Variants in CD96 observed in about 807,000 individuals in gnomAD.
The protein encoded by CD96 is CD96 molecule.
In CD96, 70 loss-of-function variants were observed where a neutral mutation model predicts 71.3. The observed-to-expected ratio is 0.98, with a 90% CI of 0.81 to 1.20. The LOEUF is 1.20. Ranked by LOEUF, CD96 falls within the 50% of genes most tolerant of loss-of-function variation. The probability of loss-of-function intolerance (pLI) is 0.00; values close to 1 mark genes in which losing one functional copy is unlikely to be tolerated. For missense variants in CD96, 742 were observed against 677.5 expected, an observed-to-expected ratio of 1.10 and a Z score of -1.06; for synonymous variants, 248 against 233.0, an observed-to-expected ratio of 1.06 and a Z score of -0.59.
intron 2 of CD96, among the ~76,000 whole-genome samples, chr3:111,561,980 G>A (rs546448123): frequency 3.8e-4 from 57 of 151,104 alleles, no homozygotes; most frequent in African/African-American, 1.3e-3. Context: ...TTCCAGGTGC[G>A]TCCGTCACCC....
intron 14 of CD96, among the ~76,000 whole-genome samples, chr3:111,660,010 C>T (rs925825493): frequency 1.3e-5 from 2 of 152,156 alleles, no homozygotes; most frequent in African/African-American, 4.8e-5. Context: ...ATACATAGTG[C>T]TGGAAGTCCT....
At chr3:111,637,134 CA>C in intron 10 of CD96, 61 bp from the exon 11 acceptor site, 2 of 841,114 alleles carry the variant, frequency 2.4e-6, no homozygotes, top group Non-Finnish European at 4.2e-6. Context: ...ATTAAATTAG[CA>C]GTCAAGAAGT....
intron 8 of CD96, among the ~76,000 whole-genome samples, chr3:111,614,796 C>T (rs1245904904): frequency 6.6e-6 from 1 of 152,214 alleles, no homozygotes; most frequent in Non-Finnish European, 1.5e-5. Context: ...AGGCACCATG[C>T]CCCTTTGTCC....
intron 2 of CD96, among the ~76,000 whole-genome samples, chr3:111,559,171 T>C (rs1198792202): frequency 6.7e-6 from 1 of 150,054 alleles, no homozygotes; most frequent in East Asian, 2.0e-4. Flanking sequence ...CCTGGATTCA[T>C]TGATTTTTTG....
intron 3 of CD96, among the ~76,000 whole-genome samples, chr3:111,570,053 T>TG (rs1935905464): frequency 2.5e-5 from 1 of 39,734 alleles, no homozygotes; most frequent in Admixed American, 2.8e-4. Flanking sequence ...GGAATTGGGG[T>TG]GGGGGTGGGG....
intron 13 of CD96, among the ~76,000 whole-genome samples, chr3:111,649,045 G>T (rs980053876): frequency 1.3e-5 from 2 of 152,186 alleles, no homozygotes; most frequent in Non-Finnish European, 2.9e-5. Flanking sequence ...ATTGAGAAGA[G>T]CTTTACTTCC....
intron 12 of CD96, among the ~76,000 whole-genome samples, chr3:111,641,501 A>G (rs1446472283): frequency 2.0e-5 from 3 of 152,188 alleles, no homozygotes; most frequent in African/African-American, 7.2e-5. Flanking sequence ...TTATAAAACA[A>G]TTACTAATAG....
chr3:111,652,100 T>C lies in CD96; in HGVS notation c.*2294T>C, dbSNP rs1399300144. 1.3e-5 allele frequency: 2 copies of C among 152,136 alleles called. No individual in the cohort carries two copies. Among genetic ancestry groups the C allele is most frequent in the Non-Finnish European group, 2.9e-5 (2 of 68,026 alleles). The allele number at this position is 152,136 out of a possible 1,614,324, so 9.4% of individuals were successfully genotyped here. On this transcript the variant is annotated 3_prime_UTR_variant, in exon 14 of 14. Transcript: ENST00000352690. ...GCCAGAACTACCCAGCTAAGCCTTT[T>C]ACTAAATTTCTGAACTTCTAACACT...
chr3:111,584,803 G>A lies in CD96; in HGVS notation c.752-520G>A, dbSNP rs756427301. 3.5e-4 allele frequency among the ~76,000 whole-genome samples: 54 copies of A among 152,186 alleles called. 2 individuals are homozygous for A. Among genetic ancestry groups the A allele is most frequent in the Non-Finnish European group, 1.0e-4 (7 of 68,038 alleles). On this transcript the variant is annotated intron_variant, in intron 4 of 13. Transcript: ENST00000352690. Reference sequence around the variant, plus strand: ...ATACAATTCAAGTTGAGATTTGAGTGAGGACAGAGCCAAACCATATCATAA... The same window carrying A: ...ATACAATTCAAGTTGAGATTTGAGTAAGGACAGAGCCAAACCATATCATAA...
chr3:111,561,520 C>CA (rs1935403025), intron 2 of CD96, among the ~76,000 whole-genome samples: 2 of 147,998 alleles, frequency 1.4e-5, no homozygotes, highest in Non-Finnish European at 3.0e-5. Flanking sequence ...TTAGGCTGCT[C>CA]GGGGGTCAGG....
At chr3:111,627,260 G>A (rs1938817097) in intron 10 of CD96, among the ~76,000 whole-genome samples, 5 of 151,874 alleles carry the variant, frequency 3.3e-5, no homozygotes, top group Admixed American at 3.3e-4. Context: ...CTTGTGGGAG[G>A]GGTGGGCCAT....
chr3:111,637,144 G>C lies in CD96; in HGVS notation c.1322-52G>C, dbSNP rs528349992. The C allele has an allele frequency of 2.4e-5, 22 of 901,402 alleles. 1 individual carries two copies. The East Asian group carries it at 5.0e-4, about 21-fold the overall frequency. 55.8% of individuals were successfully genotyped at this position (901,402 alleles called of 1,614,324 possible). On this transcript the variant is annotated intron_variant, in intron 10 of 13. Transcript: ENST00000352690. ...ATTAGATTAAATTAGCAGTCAAGAA[G>C]TGGTAATATAGTCTCATATAGGTTA...
intron 10 of CD96, among the ~76,000 whole-genome samples, chr3:111,630,180 A>G (rs1225053371): frequency 6.6e-6 from 1 of 152,158 alleles, no homozygotes; most frequent in Non-Finnish European, 1.5e-5. Context: ...AATGAAGGAG[A>G]TAGACACACA....
At chr3:111,615,048 G>T (rs1938160006) in intron 8 of CD96, among the ~76,000 whole-genome samples, 1 of 152,178 alleles carries the variant, frequency 6.6e-6, no homozygotes, top group African/African-American at 2.4e-5. Context: ...CTGCATAGGT[G>T]GGCTAGAACC....
At chr3:111,577,397 C>T in intron 3 of CD96, 2 of 823,330 alleles carry the variant, frequency 2.4e-6, no homozygotes, top group East Asian at 4.8e-5. Flanking sequence ...GTGACATGCT[C>T]TCCACTTTCT....
At position 111,600,878 on chromosome 3, in the gene CD96, TG is replaced by T; in HGVS notation, c.1053del (p.Trp351Ter). 1 of 1,613,082 alleles carries T rather than the reference TG, an allele frequency of 6.2e-7. No individual in the cohort carries two copies. Among genetic ancestry groups the T allele is most frequent in the South Asian group, 1.1e-5 (1 of 91,054 alleles). On this transcript the variant is annotated frameshift_variant, in exon 7 of 14. Coordinates refer to ENST00000352690, the MANE Select transcript of CD96 (RefSeq NM_005816.5). LOFTEE classifies it high-confidence loss of function. ...GTCTCCAGTCCCAGGAAATAAAGTG[TG>T]GAACATCTCATCAGAAAAGATCACT... is the stretch of plus-strand genomic sequence containing the variant. ...ALSPVPGNKV[W>X]NISSEKITFL... is the part of the protein sequence containing the mutation.
chr3:111,554,660 C>G (rs1305575319), intron 2 of CD96, among the ~76,000 whole-genome samples: 1 of 152,046 alleles, frequency 6.6e-6, no homozygotes, highest in East Asian at 1.9e-4. Flanking sequence ...TTTAAAGCAG[C>G]AGTACCCAAC....
At position 111,650,456 on chromosome 3, in the gene CD96, T is replaced by C. The variant is rs1435466585; in HGVS notation, c.*650T>C. 3 of 154,284 alleles carry C rather than the reference T, an allele frequency of 1.9e-5. No individual in the cohort carries two copies. The highest frequency in any genetic ancestry group is 4.3e-5 in the Non-Finnish European group (3 of 69,378). The allele number at this position is 154,284 out of a possible 1,614,324, so 9.6% of individuals were successfully genotyped here. A position where few individuals can be genotyped will look rare whatever the true frequency, so the allele number is the denominator to read the frequency against. Reference sequence around the variant, plus strand: ...GGATGAAGAGGGATCAAAGAGATAATTAGCCAAAAACCCAGTAGCCTAGAA... The same window carrying C: ...GGATGAAGAGGGATCAAAGAGATAACTAGCCAAAAACCCAGTAGCCTAGAA... On this transcript the variant is annotated 3_prime_UTR_variant, in exon 14 of 14. Coordinates refer to ENST00000352690, the MANE Select transcript of CD96 (RefSeq NM_005816.5).
intron 10 of CD96, among the ~76,000 whole-genome samples, chr3:111,636,595 T>A (rs1001285345): frequency 1.3e-5 from 2 of 152,224 alleles, no homozygotes; most frequent in African/African-American, 4.8e-5. Flanking sequence ...AAAAGCCATA[T>A]GTGCTGTCTG....
Sources: allele counts gnomAD v4.1 joint callset (sites outside exome capture counted in the v4.1 genomes callset), GRCh38; gene constraint gnomAD v4.1.1; transcripts MANE v1.5; gene names NCBI Gene and HGNC (gene_info 2026-07-23, HGNC 2026-07-21).